The following CNTNAP2 variants were observed in gnomAD, a reference collection of about 807,000 sequenced individuals.
CNTNAP2 encodes the protein contactin associated protein 2, also known as contactin-associated protein-like 2.
In CNTNAP2, 98 loss-of-function variants were observed where a neutral mutation model predicts 155.2. The ratio of observed to expected loss-of-function variants is 0.63; its 90% CI spans 0.54 to 0.75. The LOEUF (loss-of-function observed/expected upper bound fraction) is 0.75. Ranked by LOEUF, CNTNAP2 falls within the 30% of genes least tolerant of loss-of-function variation. The probability of loss-of-function intolerance (pLI) is 0.00; values close to 1 mark genes in which losing one functional copy is unlikely to be tolerated. For synonymous variants in CNTNAP2, 651 were observed against 631.2 expected, an observed-to-expected ratio of 1.03 and a Z score of -0.47; for missense variants, 1,727 against 1,688.1, an observed-to-expected ratio of 1.02 and a Z score of -0.40.
At chr7:147,465,817 G>A (rs1366798304) in intron 10 of CNTNAP2, among the ~76,000 whole-genome samples, 2 of 152,168 alleles carry the variant, frequency 1.3e-5, no homozygotes, top group Non-Finnish European at 2.9e-5. Flanking sequence ...CCCTGGTGCA[G>A]TTCTTCCCTG....
At chr7:146,922,850 C>T (rs977335235) in intron 3 of CNTNAP2, among the ~76,000 whole-genome samples, 1 of 151,852 alleles carries the variant, frequency 6.6e-6, no homozygotes, top group African/African-American at 2.4e-5. Flanking sequence ...TGAGATAACT[C>T]ATTAAAATAT....
At chr7:146,875,906 G>GCA (rs144916213) in intron 3 of CNTNAP2, among the ~76,000 whole-genome samples, 4,039 of 92,754 alleles carry the variant, frequency 0.044, 301 homozygotes, top group African/African-American at 0.15. Flanking sequence ...ATACACACAC[G>GCA]CACACACACA....
At chr7:146,311,339 A>G (rs1170978546) in intron 1 of CNTNAP2, among the ~76,000 whole-genome samples, 1 of 152,224 alleles carries the variant, frequency 6.6e-6, no homozygotes, top group Non-Finnish European at 1.5e-5. Flanking sequence ...ACTTAAAAAC[A>G]AGTGACTTGT....
At chr7:146,777,420 C>T (rs1303550924) in intron 2 of CNTNAP2, among the ~76,000 whole-genome samples, 5 of 152,148 alleles carry the variant, frequency 3.3e-5, no homozygotes, top group African/African-American at 1.2e-4. Context: ...TCTGCCCCTG[C>T]AGGTACAGCA....
At chr7:147,535,261 G>C (rs115807844) in intron 11 of CNTNAP2, among the ~76,000 whole-genome samples, 1 of 151,980 alleles carries the variant, frequency 6.6e-6, no homozygotes, top group Admixed American at 6.6e-5. Context: ...GCCTGATGGC[G>C]GGCCCCTGTA....
chr7:147,627,120 A>T (rs1196687059), intron 12 of CNTNAP2, among the ~76,000 whole-genome samples: 1 of 152,078 alleles, frequency 6.6e-6, no homozygotes, highest in Non-Finnish European at 1.5e-5. Flanking sequence ...GTAAGGGGGG[A>T]AGCACCACAT....
chr7:146,901,335 A>G (rs950604224), intron 3 of CNTNAP2, among the ~76,000 whole-genome samples: 1 of 152,212 alleles, frequency 6.6e-6, no homozygotes, highest in African/African-American at 2.4e-5. Context: ...TGCTAAGAAT[A>G]AAATATCTGT....
intron 15 of CNTNAP2, among the ~76,000 whole-genome samples, chr7:148,089,378 A>G (rs1803795134): frequency 6.6e-6 from 1 of 152,024 alleles, no homozygotes; most frequent in Admixed American, 6.6e-5. Context: ...CTGTTTGCAG[A>G]TGACATGATC....
chr7:147,643,446 C>A (rs1795317953), intron 13 of CNTNAP2: 1 of 152,132 alleles, frequency 6.6e-6, no homozygotes. Context: ...CAGCAAGTTC[C>A]TTGTATTGTT....
intron 2 of CNTNAP2, among the ~76,000 whole-genome samples, chr7:146,818,807 A>G (rs2129195577): frequency 6.6e-6 from 1 of 152,278 alleles, no homozygotes; most frequent in South Asian, 2.1e-4. Context: ...GGATAAGAAA[A>G]ACGATATCAC....
intron 9 of CNTNAP2, among the ~76,000 whole-genome samples, chr7:147,389,582 T>G (rs1322623420): frequency 6.6e-6 from 1 of 152,176 alleles, no homozygotes; most frequent in Non-Finnish European, 1.5e-5. Flanking sequence ...ATATACTGAG[T>G]GGACTTCAAA....
At chr7:147,574,808 T>C (rs1800356641) in intron 12 of CNTNAP2, among the ~76,000 whole-genome samples, 1 of 152,076 alleles carries the variant, frequency 6.6e-6, no homozygotes, top group Non-Finnish European at 1.5e-5. Flanking sequence ...GGGATTCTTT[T>C]AGAAAATAAA....
intron 1 of CNTNAP2, among the ~76,000 whole-genome samples, chr7:146,467,941 G>A (rs1274355653): frequency 6.6e-6 from 1 of 152,038 alleles, no homozygotes; most frequent in Non-Finnish European, 1.5e-5. Flanking sequence ...GACTTGACAA[G>A]CATCTTATTT....
chr7:148,253,001 GATAGATAC>G (rs1235859697), intron 20 of CNTNAP2, among the ~76,000 whole-genome samples: 30 of 138,952 alleles, frequency 2.2e-4, no homozygotes, highest in African/African-American at 7.4e-4. Context: ...AACAGAGATA[GATAGATAC>G]ATAGATAGAT....
chr7:146,674,004 G>T (rs1800353778), intron 1 of CNTNAP2, among the ~76,000 whole-genome samples: 1 of 152,150 alleles, frequency 6.6e-6, no homozygotes, highest in South Asian at 2.1e-4. Flanking sequence ...AATACTTTTA[G>T]TTCGTCCCTG....
chr7:147,649,479 C>T (rs370389254), intron 13 of CNTNAP2, among the ~76,000 whole-genome samples: 52 of 152,174 alleles, frequency 3.4e-4, no homozygotes, highest in Admixed American at 6.5e-4. Flanking sequence ...AGTTTTCAGA[C>T]GGGATACCAC....
At chr7:148,242,660 G>T (rs1295122562) in intron 20 of CNTNAP2, among the ~76,000 whole-genome samples, 1 of 152,186 alleles carries the variant, frequency 6.6e-6, no homozygotes, top group Non-Finnish European at 1.5e-5. Context: ...GCATTCAAAG[G>T]GTACAATCCA....
chr7:147,983,475 C>CT (rs1310660498), intron 15 of CNTNAP2, among the ~76,000 whole-genome samples: 1 of 150,364 alleles, frequency 6.7e-6, no homozygotes, highest in Non-Finnish European at 1.5e-5. Flanking sequence ...AAAAAAGTAC[C>CT]CTGTAAAATA....
At chr7:147,002,233 A>C (rs553735001) in intron 3 of CNTNAP2, among the ~76,000 whole-genome samples, 15 of 152,204 alleles carry the variant, frequency 9.9e-5, no homozygotes, top group Admixed American at 7.9e-4. Context: ...ATGGATGAAC[A>C]TACACTCACA....
Sources: allele counts gnomAD v4.1 joint callset (sites outside exome capture counted in the v4.1 genomes callset), GRCh38; gene constraint gnomAD v4.1.1; transcripts MANE v1.5; gene names NCBI Gene and HGNC (gene_info 2026-07-23, HGNC 2026-07-21).